Variants in CPQ observed in about 807,000 individuals in gnomAD.
The protein encoded by CPQ is carboxypeptidase Q, also known as Ser-Met dipeptidase.
Under a neutral mutation model 45.7 loss-of-function variants are expected in CPQ, and 37 were observed. That is an observed-to-expected ratio of 0.81 (90% confidence interval 0.62 to 1.07). CPQ has a LOEUF of 1.07. CPQ is among the 50% of genes least tolerant of loss of function. CPQ has a pLI of 0.00. For synonymous variants in CPQ, 186 were observed against 205.8 expected (o/e 0.90, Z 0.82); for missense variants, 537 against 572.9 (o/e 0.94, Z 0.64).
At chr8:96,920,592 A>G (rs2130910748) in intron 4 of CPQ, among the ~76,000 whole-genome samples, 1 of 152,216 alleles carries the variant, frequency 6.6e-6, no homozygotes, top group East Asian at 1.9e-4. Context: ...TCCTCCCCAA[A>G]TTCACACATA....
chr8:96,800,574 A>T (rs750411227), intron 2 of CPQ, among the ~76,000 whole-genome samples: 11 of 152,206 alleles, frequency 7.2e-5, no homozygotes, highest in Non-Finnish European at 1.5e-4. Flanking sequence ...TCTATGTGGG[A>T]GAGTGGACAT....
At chr8:96,921,258 T>C (rs1305576239) in intron 4 of CPQ, among the ~76,000 whole-genome samples, 3 of 152,150 alleles carry the variant, frequency 2.0e-5, no homozygotes, top group Non-Finnish European at 4.4e-5. Flanking sequence ...TTCTTTTCTA[T>C]TGCAGTTCAT....
chr8:96,745,427 A>G (rs1810166772), intron 1 of CPQ, among the ~76,000 whole-genome samples: 1 of 152,240 alleles, frequency 6.6e-6, no homozygotes, highest in Admixed American at 6.5e-5. Context: ...AAGAGGGATT[A>G]AAACATGAGC....
At chr8:97,073,301 G>A (rs1016813454) in intron 7 of CPQ, among the ~76,000 whole-genome samples, 36 of 152,156 alleles carry the variant, frequency 2.4e-4, no homozygotes, top group African/African-American at 8.4e-4. Flanking sequence ...TTCTAAGAAA[G>A]GAGACCTCAG....
At chr8:96,794,393 TG>T (rs1023986843) in intron 2 of CPQ, among the ~76,000 whole-genome samples, 3 of 152,158 alleles carry the variant, frequency 2.0e-5, no homozygotes, top group Non-Finnish European at 4.4e-5. Context: ...CTAGAGCGAC[TG>T]GAACGCAGGT....
intron 4 of CPQ, among the ~76,000 whole-genome samples, chr8:96,956,601 T>A (rs1200303707): frequency 6.6e-6 from 1 of 152,200 alleles, no homozygotes; most frequent in Non-Finnish European, 1.5e-5. Flanking sequence ...ATTCTTTTCC[T>A]TGGCTCTCAT....
In CPQ at chr8:96,856,690, C is replaced by T. The variant is rs190195856; in HGVS notation, c.641+21510C>T. ...GAGAACAAGACAGAGATGACCCATA[C>T]GATCATGGAGGCTGCATTCTGGCAG... is the stretch of plus-strand genomic sequence containing the variant. On this transcript the variant is annotated intron_variant, in intron 3 of 7. Coordinates refer to ENST00000220763, the MANE Select transcript of CPQ (RefSeq NM_016134.4). 1.4e-3 allele frequency among the ~76,000 whole-genome samples: 216 copies of T among 152,226 alleles called. 2 individuals carry two copies. The highest frequency in any genetic ancestry group is 0.01 in the Admixed American group (155 of 15,286).
At chr8:96,738,437 AT>A (rs1259097983) in intron 1 of CPQ, among the ~76,000 whole-genome samples, 1 of 150,790 alleles carries the variant, frequency 6.6e-6, no homozygotes, top group Admixed American at 6.6e-5. Context: ...ATTCATTTTT[AT>A]TTTTTATTTT....
At chr8:97,119,328 C>CAAAA (rs34998181) in intron 7 of CPQ, among the ~76,000 whole-genome samples, 8 of 72,266 alleles carry the variant, frequency 1.1e-4, no homozygotes, top group East Asian at 5.4e-4. Context: ...GACTCCATCT[C>CAAAA]AAAAAAAAAA....
chr8:96,886,737 G>A (rs1244406984), intron 4 of CPQ, among the ~76,000 whole-genome samples: 1 of 152,152 alleles, frequency 6.6e-6, no homozygotes, highest in Non-Finnish European at 1.5e-5. Flanking sequence ...GCCTGGGCAT[G>A]CCTTAGTTGA....
At chr8:97,069,868 A>C (rs1486198742) in intron 7 of CPQ, among the ~76,000 whole-genome samples, 1 of 152,188 alleles carries the variant, frequency 6.6e-6, no homozygotes, top group Non-Finnish European at 1.5e-5. Flanking sequence ...ATTTACCAAA[A>C]TACTGATAGA....
chr8:96,965,897 C>T (rs1477047555), intron 4 of CPQ, 38 bp from the exon 5 acceptor site: 16 of 1,330,630 alleles, frequency 1.2e-5, no homozygotes, highest in Admixed American at 4.9e-5. Flanking sequence ...GTCATTTTTG[C>T]TTAGTTTTAT....
intron 1 of CPQ, among the ~76,000 whole-genome samples, chr8:96,667,391 T>TGAAGTGCAGTGGCACGACCC (rs1563696529): frequency 4.7e-5 from 7 of 148,868 alleles, no homozygotes; most frequent in African/African-American, 1.7e-4. Flanking sequence ...CACTGTCACC[T>TGAAGTGCAGTGGCACGACCC]GGGCTGAAGT....
intron 1 of CPQ, among the ~76,000 whole-genome samples, chr8:96,723,860 C>G (rs1405563207): frequency 6.6e-6 from 1 of 152,040 alleles, no homozygotes; most frequent in Non-Finnish European, 1.5e-5. Flanking sequence ...CAAGAGACCT[C>G]TTATATTAGG....
chr8:96,989,282 A>T (rs7817021), intron 5 of CPQ, among the ~76,000 whole-genome samples: 12,905 of 151,998 alleles, frequency 0.085, 1,095 homozygotes, highest in African/African-American at 0.22. Flanking sequence ...GTTCTACAGG[A>T]TGTGATGTCA....
At chr8:96,785,468 T>A (rs1810756103) in intron 2 of CPQ, 138 bp downstream of exon 2, 6 of 698,070 alleles carry the variant, frequency 8.6e-6, no homozygotes, top group Admixed American at 6.4e-5. Context: ...TCTACCCTTT[T>A]TTGTCCTCCC....
intron 1 of CPQ, among the ~76,000 whole-genome samples, chr8:96,748,230 C>T (rs1810214720): frequency 6.6e-6 from 1 of 152,062 alleles, no homozygotes; most frequent in Non-Finnish European, 1.5e-5. Flanking sequence ...CATAAAACAA[C>T]AAACACAAAA....
chr8:96,687,825 G>A (rs1809252215), intron 1 of CPQ, among the ~76,000 whole-genome samples: 1 of 151,850 alleles, frequency 6.6e-6, no homozygotes, highest in Non-Finnish European at 1.5e-5. Context: ...ATTACATTAT[G>A]AGCACAGATG....
intron 3 of CPQ, 89 bp downstream of exon 3, chr8:96,835,269 A>C (rs1811515511): frequency 2.0e-6 from 2 of 1,023,398 alleles, no homozygotes; most frequent in South Asian, 2.6e-5. Flanking sequence ...AAACCATTCA[A>C]ATGAAAATAC....
Sources: allele counts gnomAD v4.1 joint callset (sites outside exome capture counted in the v4.1 genomes callset), GRCh38; gene constraint gnomAD v4.1.1; transcripts MANE v1.5; gene names NCBI Gene and HGNC (gene_info 2026-07-23, HGNC 2026-07-21).